FHIT: variants seen among roughly 807,000 people sequenced by gnomAD.
The protein encoded by FHIT is fragile histidine triad diadenosine triphosphatase.
Under a neutral mutation model 17.9 loss-of-function variants are expected in FHIT, and 19 were observed. The observed-to-expected ratio is 1.06, with a 90% CI of 0.74 to 1.56. FHIT has a LOEUF of 1.56. FHIT is among the 40% of genes most tolerant of loss of function. The pLI is 0.00. For missense variants in FHIT, 248 were observed against 189.2 expected, an observed-to-expected ratio of 1.31 and a Z score of -1.82; for synonymous variants, 81 against 69.7, an observed-to-expected ratio of 1.16 and a Z score of -0.81.
intron 8 of FHIT, among the ~76,000 whole-genome samples, chr3:59,815,224 A>C (rs1331131944): frequency 1.3e-5 from 2 of 152,112 alleles, no homozygotes; most frequent in Non-Finnish European, 2.9e-5. Flanking sequence ...GCTGCAGCCC[A>C]GGCCACTATG....
intron 4 of FHIT, among the ~76,000 whole-genome samples, chr3:60,644,952 C>G (rs1676875288): frequency 6.6e-6 from 1 of 152,128 alleles, no homozygotes; most frequent in Admixed American, 6.5e-5. Context: ...GTCTCTGGGC[C>G]TGGCAGATAG....
At chr3:59,977,385 A>G (rs985577993) in intron 7 of FHIT, among the ~76,000 whole-genome samples, 4 of 152,144 alleles carry the variant, frequency 2.6e-5, no homozygotes, top group African/African-American at 7.2e-5. Flanking sequence ...TTTTGGTGGA[A>G]AAGTAGGCAT....
intron 4 of FHIT, among the ~76,000 whole-genome samples, chr3:60,803,950 C>G (rs1449495776): frequency 6.6e-6 from 1 of 152,166 alleles, no homozygotes. Flanking sequence ...AACAGTGGCT[C>G]CCGTACTGAG....
At chr3:60,197,576 T>A (rs1275250592) in intron 5 of FHIT, among the ~76,000 whole-genome samples, 1 of 152,196 alleles carries the variant, frequency 6.6e-6, no homozygotes, top group Non-Finnish European at 1.5e-5. Context: ...ATTTCAAAGC[T>A]AATAACCTAT....
intron 5 of FHIT, among the ~76,000 whole-genome samples, chr3:60,173,217 C>A (rs1249831575): frequency 6.6e-6 from 1 of 152,142 alleles, no homozygotes; most frequent in African/African-American, 2.4e-5. Context: ...ATGGATTATG[C>A]AGCAGGGACC....
intron 7 of FHIT, among the ~76,000 whole-genome samples, chr3:59,990,553 T>C (rs1709181324): frequency 6.6e-6 from 1 of 152,068 alleles, no homozygotes; most frequent in African/African-American, 2.4e-5. Context: ...ACTCCTTAAC[T>C]TGGCTCCCTA....
At chr3:60,454,381 A>G (rs2031948670) in intron 5 of FHIT, among the ~76,000 whole-genome samples, 1 of 150,828 alleles carries the variant, frequency 6.6e-6, no homozygotes, top group Admixed American at 6.6e-5. Flanking sequence ...TTTTTTAACC[A>G]AACTTTTTTT....
At chr3:60,544,390 C>T (rs1045820374) in intron 4 of FHIT, among the ~76,000 whole-genome samples, 1 of 151,688 alleles carries the variant, frequency 6.6e-6, no homozygotes, top group Non-Finnish European at 1.5e-5. Context: ...AATGCTTTTC[C>T]TATATCACTG....
intron 5 of FHIT, among the ~76,000 whole-genome samples, chr3:60,117,893 C>T (rs1198128775): frequency 6.6e-6 from 1 of 152,062 alleles, no homozygotes; most frequent in African/African-American, 2.4e-5. Context: ...ACCCAGATGC[C>T]TTAGGATATC....
chr3:59,902,943 T>C (rs1704400675), intron 8 of FHIT, among the ~76,000 whole-genome samples: 1 of 152,130 alleles, frequency 6.6e-6, no homozygotes, highest in South Asian at 2.1e-4. Context: ...TCTTTACTGC[T>C]CTCACCATGC....
chr3:60,127,783 T>C (rs1705625190), intron 5 of FHIT, among the ~76,000 whole-genome samples: 1 of 152,020 alleles, frequency 6.6e-6, no homozygotes, highest in Non-Finnish European at 1.5e-5. Flanking sequence ...TATTTGTATA[T>C]ATCCATGGCA....
In FHIT at chr3:60,578,557, C is replaced by T. The variant is rs1213254203; in HGVS notation, c.-17-41578G>A. Among the ~76,000 whole-genome samples the T allele has an allele frequency of 1.3e-4, 19 of 151,792 alleles. 1 individual carries two copies. The highest frequency in any genetic ancestry group is 3.4e-3 in the Middle Eastern group (1 of 294). Reference sequence around the variant, plus strand: ...AACAAGATCTTATTCTTATAAAGTACCTGCATATTTTCATTTGCTAGAAAT... The same window carrying T: ...AACAAGATCTTATTCTTATAAAGTATCTGCATATTTTCATTTGCTAGAAAT... On this transcript the variant is annotated intron_variant, in intron 4 of 9. Transcript: ENST00000492590.
At chr3:60,195,730 T>C (rs1489885366) in intron 5 of FHIT, among the ~76,000 whole-genome samples, 2 of 151,150 alleles carry the variant, frequency 1.3e-5, no homozygotes, top group African/African-American at 2.4e-5. Context: ...TTGCAGCAAC[T>C]TTCATGGAAC....
intron 5 of FHIT, among the ~76,000 whole-genome samples, chr3:60,066,648 TTTTTTTTTTTTTTTTTTTTTTTTTTTG>T (rs1702522723): frequency 3.3e-5 from 2 of 61,516 alleles, no homozygotes; most frequent in Non-Finnish European, 6.2e-5. Context: ...TTTTTTTTTT[TTTTTTTTTTTTTTTTTTTTTTTTTTTG>T]AGATGGAGTC....
At chr3:60,130,776 G>GTATATACACACATATA (rs1322600707) in intron 5 of FHIT, among the ~76,000 whole-genome samples, 2 of 270 alleles carry the variant, frequency 7.4e-3, no homozygotes, top group Admixed American at 0.036. Context: ...TTGTGTGTGT[G>GTATATACACACATATA]TGTGTGTGGT....
At chr3:60,179,656 T>C (rs967879606) in intron 5 of FHIT, among the ~76,000 whole-genome samples, 1 of 152,018 alleles carries the variant, frequency 6.6e-6, no homozygotes, top group South Asian at 2.1e-4. Flanking sequence ...TATTAGGTTA[T>C]AATACATGTT....
intron 4 of FHIT, among the ~76,000 whole-genome samples, chr3:60,634,569 C>A (rs1553683301): frequency 6.6e-6 from 1 of 152,126 alleles, no homozygotes; most frequent in Non-Finnish European, 1.5e-5. Context: ...TAGACGTTGG[C>A]CTTTTTTCTT....
chr3:60,560,282 A>G (rs1314081051), intron 4 of FHIT, among the ~76,000 whole-genome samples: 1 of 152,158 alleles, frequency 6.6e-6, no homozygotes, highest in Non-Finnish European at 1.5e-5. Context: ...CACTCCTAGT[A>G]CAGGGCTTCT....
intron 5 of FHIT, among the ~76,000 whole-genome samples, chr3:60,287,235 C>A (rs545045508): frequency 1.1e-4 from 17 of 152,284 alleles, no homozygotes; most frequent in African/African-American, 4.1e-4. Context: ...GTGGCAAGAT[C>A]TTGCCTCACT....
Sources: gnomAD v4.1 joint callset for allele counts (sites outside exome capture counted in the v4.1 genomes callset) on GRCh38, gnomAD v4.1.1 for gene constraint, MANE v1.5 for transcripts, NCBI Gene and HGNC (gene_info 2026-07-23, HGNC 2026-07-21) for gene names.